Variants in MYRIP observed in about 807,000 individuals in gnomAD.
MYRIP encodes the protein myosin VIIA and Rab interacting protein.
In MYRIP, 49 loss-of-function variants were observed where a neutral mutation model predicts 98.0. That is an observed-to-expected ratio of 0.50 (90% CI 0.40 to 0.63). The LOEUF (loss-of-function observed/expected upper bound fraction) is 0.63, where lower values mean the gene tolerates loss of function less well. MYRIP is among the 30% of genes least tolerant of loss of function. The pLI is 0.00. For synonymous variants in MYRIP, 404 were observed against 409.5 expected (o/e 0.99, Z 0.16); for missense variants, 1,004 against 1,058.2 (o/e 0.95, Z 0.71).
At chr3:40,115,011 T>A (rs1375844319) in intron 3 of MYRIP, among the ~76,000 whole-genome samples, 4 of 152,180 alleles carry the variant, frequency 2.6e-5, no homozygotes, top group Non-Finnish European at 4.4e-5. Flanking sequence ...AACTGATACA[T>A]TTCCATAGTA....
chr3:40,094,343 G>A (rs1402294102), intron 3 of MYRIP, among the ~76,000 whole-genome samples: 1 of 152,172 alleles, frequency 6.6e-6, no homozygotes, highest in Non-Finnish European at 1.5e-5. Context: ...AAGAGGCTGA[G>A]CTGGAACTCA....
At chr3:39,941,518 T>TAC (rs1265755785) in intron 2 of MYRIP, among the ~76,000 whole-genome samples, 22 of 151,196 alleles carry the variant, frequency 1.5e-4, no homozygotes, top group South Asian at 4.2e-4. Context: ...TGTATATATA[T>TAC]ACACACACAC....
chr3:40,065,457 G>GA (rs1553610321), intron 3 of MYRIP, among the ~76,000 whole-genome samples: 1 of 151,880 alleles, frequency 6.6e-6, no homozygotes, highest in East Asian at 1.9e-4. Context: ...GATTTTCTGT[G>GA]TTTTTTTAAT....
intron 1 of MYRIP, among the ~76,000 whole-genome samples, chr3:39,814,464 C>T (rs1041487722): frequency 1.3e-5 from 2 of 151,942 alleles, no homozygotes; most frequent in Non-Finnish European, 2.9e-5. Context: ...CTTTGAACTC[C>T]TCTGAAATTT....
chr3:40,048,683 A>C (rs1434762686), intron 3 of MYRIP, among the ~76,000 whole-genome samples: 1 of 152,126 alleles, frequency 6.6e-6, no homozygotes, highest in African/African-American at 2.4e-5. Flanking sequence ...AGTTCAGTAA[A>C]AGCATTTTGA....
At chr3:40,047,007 T>A (rs1172433875) in intron 3 of MYRIP, among the ~76,000 whole-genome samples, 1 of 152,190 alleles carries the variant, frequency 6.6e-6, no homozygotes, top group East Asian at 1.9e-4. Context: ...TTAGTTACAA[T>A]TAAATGACAC....
chr3:39,862,683 A>T (rs1019254034), intron 1 of MYRIP, among the ~76,000 whole-genome samples: 2 of 152,200 alleles, frequency 1.3e-5, no homozygotes, highest in Non-Finnish European at 2.9e-5. Context: ...TTAATCATAC[A>T]ATAGTACTGG....
At chr3:40,067,913 C>CT (rs1948154698) in intron 3 of MYRIP, among the ~76,000 whole-genome samples, 3 of 152,216 alleles carry the variant, frequency 2.0e-5, no homozygotes, top group Admixed American at 2.0e-4. Context: ...GTAATGTCTT[C>CT]TTTTTACTAC....
chr3:39,959,771 A>G (rs750395515), intron 2 of MYRIP, among the ~76,000 whole-genome samples: 8 of 152,130 alleles, frequency 5.3e-5, no homozygotes, highest in Non-Finnish European at 8.8e-5. Context: ...TTAAGTATCA[A>G]TTCAATATAA....
chr3:39,954,204 C>A (rs1945098439), intron 2 of MYRIP, among the ~76,000 whole-genome samples: 2 of 152,160 alleles, frequency 1.3e-5, no homozygotes, highest in African/African-American at 4.8e-5. Context: ...AACGGATAGA[C>A]TGCCTCCTCA....
At chr3:39,819,001 T>TTTGAATATTGCATCATATAAGTGA (rs1249619800) in intron 1 of MYRIP, among the ~76,000 whole-genome samples, 1 of 152,224 alleles carries the variant, frequency 6.6e-6, no homozygotes, top group East Asian at 1.9e-4. Context: ...ACCTTTTCAT[T>TTTGAATATTGCATCATATAAGTGA]TTGAATATTG....
At chr3:40,248,325 A>C (rs1953267598) in intron 13 of MYRIP, 1 of 152,196 alleles carries the variant, frequency 6.6e-6, no homozygotes, top group Admixed American at 6.5e-5. Context: ...AGCTTCTCTT[A>C]ACTCCTAGTA....
At chr3:40,020,204 A>G (rs1946960252) in intron 2 of MYRIP, among the ~76,000 whole-genome samples, 1 of 152,156 alleles carries the variant, frequency 6.6e-6, no homozygotes, top group Admixed American at 6.5e-5. Flanking sequence ...AGGTGTGCTC[A>G]ATGTTTACCT....
At chr3:39,889,207 C>T (rs906167007) in intron 1 of MYRIP, among the ~76,000 whole-genome samples, 23 of 152,188 alleles carry the variant, frequency 1.5e-4, no homozygotes, top group African/African-American at 5.1e-4. Context: ...ATAAATAATG[C>T]TGCTATAAAG....
chr3:40,225,436 T>C (rs1242442355), intron 11 of MYRIP, among the ~76,000 whole-genome samples: 1 of 152,200 alleles, frequency 6.6e-6, no homozygotes, highest in Non-Finnish European at 1.5e-5. Flanking sequence ...CCTCTCTTCC[T>C]GATCTGTTGT....
chr3:40,029,924 G>A (rs889070752), intron 2 of MYRIP, among the ~76,000 whole-genome samples: 1 of 152,010 alleles, frequency 6.6e-6, no homozygotes, highest in East Asian at 1.9e-4. Context: ...AATTAGCCAG[G>A]TGTAACATGC....
In MYRIP at chr3:40,190,837, T is replaced by G. The variant is rs576849773; in HGVS notation, c.1665+374T>G. Among the ~76,000 whole-genome samples, 65 of 152,328 alleles carry G rather than the reference T, an allele frequency of 4.3e-4. 1 individual carries two copies. Among genetic ancestry groups the G allele is most frequent in the African/African-American group, 1.5e-3 (63 of 41,584 alleles). ...CTGTGCACTCAAGTTTGAGGGCCAC[T>G]GGCCTTGGGTTTAGGGTGAGGGATC... On this transcript the variant is annotated intron_variant, in intron 10 of 16. Coordinates refer to ENST00000302541, the MANE Select transcript of MYRIP (RefSeq NM_015460.4).
chr3:39,842,905 C>T (rs982965570), intron 1 of MYRIP, among the ~76,000 whole-genome samples: 3 of 152,224 alleles, frequency 2.0e-5, no homozygotes, highest in Admixed American at 6.5e-5. Flanking sequence ...GCTCCTATTT[C>T]GCTATCTTGC....
intron 2 of MYRIP, among the ~76,000 whole-genome samples, chr3:39,946,699 G>A (rs377172359): frequency 6.6e-6 from 1 of 152,132 alleles, no homozygotes; most frequent in African/African-American, 2.4e-5. Context: ...CCCTAGTTGG[G>A]CCTCCCACAT....
Sources: allele counts gnomAD v4.1 joint callset (sites outside exome capture counted in the v4.1 genomes callset), GRCh38; gene constraint gnomAD v4.1.1; transcripts MANE v1.5; gene names NCBI Gene and HGNC (gene_info 2026-07-23, HGNC 2026-07-21).